PRICKLE1: variants seen among roughly 807,000 people sequenced by gnomAD.
PRICKLE1 encodes prickle planar cell polarity protein 1, also known as prickle-like protein 1.
PRICKLE1 carries 14 observed loss-of-function variants against 70.2 expected under a neutral mutation model. The observed-to-expected ratio is 0.20, with a 90% CI of 0.13 to 0.31. PRICKLE1 has a LOEUF of 0.31. PRICKLE1 is among the 10% of genes least tolerant of loss of function. PRICKLE1 has a pLI of 1.00. For synonymous variants in PRICKLE1, 357 were observed against 379.9 expected (o/e 0.94, Z 0.70); for missense variants, 821 against 1,026.2 (o/e 0.80, Z 2.73).
chr12:42,573,570 T>C (rs1053124573), intron 1 of PRICKLE1, among the ~76,000 whole-genome samples: 5 of 152,100 alleles, frequency 3.3e-5, no homozygotes, highest in African/African-American at 1.2e-4. Flanking sequence ...TTTGTATTAT[T>C]ATTATTATTA....
At chr12:42,465,502 A>C (rs1938060665) in intron 6 of PRICKLE1, 8 of 529,330 alleles carry the variant, frequency 1.5e-5, no homozygotes, top group Non-Finnish European at 2.7e-5. Context: ...AGATGTGCAG[A>C]GTGGTAAAAA....
chr12:42,542,823 A>G (rs1034531778), intron 1 of PRICKLE1, among the ~76,000 whole-genome samples: 2 of 152,234 alleles, frequency 1.3e-5, no homozygotes, highest in African/African-American at 4.8e-5. Context: ...AACTTCTAAC[A>G]TATTCTGCTA....
At chr12:42,500,049 C>A (rs2140180719) in intron 1 of PRICKLE1, among the ~76,000 whole-genome samples, 1 of 151,866 alleles carries the variant, frequency 6.6e-6, no homozygotes, top group South Asian at 2.1e-4. Flanking sequence ...CCGTGCCCAT[C>A]CACGGCCTAG....
intron 1 of PRICKLE1, among the ~76,000 whole-genome samples, chr12:42,526,864 C>T (rs929043202): frequency 1.3e-4 from 19 of 151,816 alleles, no homozygotes; most frequent in African/African-American, 4.4e-4. Flanking sequence ...ATGTCTCTAG[C>T]ATGGCAATAG....
At chr12:42,557,678 G>A (rs915752824) in intron 1 of PRICKLE1, among the ~76,000 whole-genome samples, 1 of 152,202 alleles carries the variant, frequency 6.6e-6, no homozygotes, top group Non-Finnish European at 1.5e-5. Context: ...CACAATGCAT[G>A]GAAGACTTGA....
intron 1 of PRICKLE1, among the ~76,000 whole-genome samples, chr12:42,480,972 G>C (rs1222393363): frequency 2.0e-5 from 3 of 152,180 alleles, no homozygotes; most frequent in African/African-American, 7.2e-5. Flanking sequence ...AAGAACCTGA[G>C]AGGGGCCAAT....
At chr12:42,532,428 G>T (rs1235443929) in intron 1 of PRICKLE1, among the ~76,000 whole-genome samples, 1 of 152,086 alleles carries the variant, frequency 6.6e-6, no homozygotes, top group Non-Finnish European at 1.5e-5. Flanking sequence ...AACAGAAATA[G>T]AATATGACTG....
rs376384105 is a variant in PRICKLE1 at position 42,464,812 on chromosome 12, A to C, written c.1222T>G (p.Trp408Gly). ...EQETPEDPEE[W>G]ADHEDYMTQL... is the part of the protein sequence containing the mutation. ...GTCATATAATCTTCATGATCAGCCC[A>C]TTCTTCAGGGTCTTCTGGAGTTTCC... Residue 408 changes from tryptophan (W) to glycine (G), a missense_variant, in exon 7 of 8, where the codon TGG becomes GGG. Transcript: ENST00000345127. The surrounding 1 kb of genome is among the most constrained non-coding windows in gnomAD (Gnocchi z 4.2). 1 of 1,614,060 alleles carries C rather than the reference A, an allele frequency of 6.2e-7. No homozygotes were observed. The highest frequency in any genetic ancestry group is 1.1e-5 in the South Asian group (1 of 91,078).
At chr12:42,476,853 T>A (rs905396215) in intron 1 of PRICKLE1, among the ~76,000 whole-genome samples, 3 of 150,554 alleles carry the variant, frequency 2.0e-5, no homozygotes, top group Non-Finnish European at 4.4e-5. Context: ...TCTCCCTATG[T>A]TGCCCAGGCT....
chr12:42,511,354 C>T (rs963938491), intron 1 of PRICKLE1, among the ~76,000 whole-genome samples: 1 of 152,188 alleles, frequency 6.6e-6, no homozygotes, highest in Non-Finnish European at 1.5e-5. Flanking sequence ...AGTATGTCTG[C>T]AGATAACCCA....
At position 42,464,952 on chromosome 12, in the gene PRICKLE1, G is replaced by A; in HGVS notation, c.1082C>T (p.Pro361Leu). ...LLSPALNYKFPGLSGNADDTL... is the reference protein window; with the variant it reads ...LLSPALNYKFLGLSGNADDTL... ...GTCATCAGCATTGCCTGAGAGGCCA[G>A]GAAACTTGTAGTTCAGAGCAGGCGA... is the stretch of plus-strand genomic sequence containing the variant. The change falls in exon 7 of 8, where the codon CCT becomes CTT. Residue 361 changes from proline (P) to leucine (L), a missense_variant. Pro to Leu is a moderately conservative substitution (Grantham distance 98). Coordinates refer to ENST00000345127, the MANE Select transcript of PRICKLE1 (RefSeq NM_153026.3). The surrounding 1 kb of genome is among the most constrained non-coding windows in gnomAD (Gnocchi z 4.2). 6.2e-7 allele frequency: 1 copy of A among 1,614,180 alleles called. No homozygotes were observed. The highest frequency in any genetic ancestry group is 8.5e-7 in the Non-Finnish European group (1 of 1,180,044).
Position 42,459,777 on chromosome 12 carries a change from G to A in PRICKLE1, c.*32C>T, listed in dbSNP as rs1425258855. 6 of 1,613,440 alleles carry A rather than the reference G, an allele frequency of 3.7e-6. No homozygotes were observed. Among genetic ancestry groups the A allele is most frequent in the Non-Finnish European group, 3.4e-6 (4 of 1,179,582 alleles). Reference sequence around the variant, plus strand: ...AACGATTCAGACGGTTAATGGCTAAGTTTTAAACAAATGCTCTGCATCACT... The same window carrying A: ...AACGATTCAGACGGTTAATGGCTAAATTTTAAACAAATGCTCTGCATCACT... On this transcript the variant is annotated 3_prime_UTR_variant, in exon 8 of 8. Transcript: ENST00000345127.
intron 1 of PRICKLE1, among the ~76,000 whole-genome samples, chr12:42,534,371 G>A (rs907105276): frequency 6.6e-6 from 1 of 152,190 alleles, no homozygotes; most frequent in Non-Finnish European, 1.5e-5. Context: ...GCAGGCCAGT[G>A]TTGGCTGGAC....
chr12:42,476,894 C>T (rs945611338), intron 1 of PRICKLE1, among the ~76,000 whole-genome samples: 1 of 151,450 alleles, frequency 6.6e-6, no homozygotes, highest in Non-Finnish European at 1.5e-5. Context: ...AAAATATCCT[C>T]CTGCCTCGGC....
chr12:42,540,561 A>G (rs1940093989), intron 1 of PRICKLE1, among the ~76,000 whole-genome samples: 1 of 150,618 alleles, frequency 6.6e-6, no homozygotes, highest in African/African-American at 2.5e-5. Context: ...CATGAAATAC[A>G]TATATATATA....
At chr12:42,559,632 TTTTTGGG>T (rs1302838319) in intron 1 of PRICKLE1, among the ~76,000 whole-genome samples, 35 of 102,118 alleles carry the variant, frequency 3.4e-4, no homozygotes, top group African/African-American at 9.2e-4. Flanking sequence ...ATATTTTTTT[TTTTTGGG>T]GGGGGTAGAG....
chr12:42,497,389 C>T (rs948700489), intron 1 of PRICKLE1, among the ~76,000 whole-genome samples: 6 of 151,790 alleles, frequency 4.0e-5, no homozygotes, highest in Non-Finnish European at 7.4e-5. Flanking sequence ...ACTAAAAATA[C>T]AAAAACAAAA....
intron 1 of PRICKLE1, chr12:42,484,445 A>G (rs1938933112): frequency 6.6e-6 from 1 of 152,184 alleles, no homozygotes; most frequent in Admixed American, 6.5e-5. Flanking sequence ...CTCTGCCCAT[A>G]ACAATGATGT....
At chr12:42,477,482 GTATATATATATATATATATATA>G (rs139988285) in intron 1 of PRICKLE1, among the ~76,000 whole-genome samples, 29 of 116,384 alleles carry the variant, frequency 2.5e-4, no homozygotes, top group Non-Finnish European at 3.3e-4. Context: ...GTGTGTGTGT[GTATATATATATATATATATATA>G]TATATATATA....
Sources: allele counts gnomAD v4.1 joint callset (sites outside exome capture counted in the v4.1 genomes callset), GRCh38; gene constraint gnomAD v4.1.1; non-coding constraint Gnocchi (gnomAD v3.1); transcripts MANE v1.5; gene names NCBI Gene and HGNC (gene_info 2026-07-23, HGNC 2026-07-21).